The following MYO5A variants were observed in gnomAD, a reference collection of about 807,000 sequenced individuals.
MYO5A encodes the protein myosin VA.
In MYO5A, 98 loss-of-function variants were observed where a neutral mutation model predicts 249.7. The observed-to-expected ratio is 0.39, with a 90% confidence interval of 0.33 to 0.46. The LOEUF (loss-of-function observed/expected upper bound fraction) is 0.46. MYO5A is among the 20% of genes least tolerant of loss of function. The pLI is 0.98. For synonymous variants in MYO5A, 778 were observed against 810.6 expected (o/e 0.96, Z 0.68); for missense variants, 1,696 against 2,308.8 (o/e 0.73, Z 5.44).
chr15:52,444,538 AGAAGCAGAATTCAAACC>A (rs2075849536), intron 1 of MYO5A, among the ~76,000 whole-genome samples: 1 of 152,236 alleles, frequency 6.6e-6, no homozygotes, highest in Non-Finnish European at 1.5e-5. Context: ...AATAAATGGC[AGAAGCAGAATTCAAACC>A]GAGAAAGATC....
chr15:52,428,541 G>A lies in MYO5A; in HGVS notation c.167C>T (p.Thr56Ile). The A allele has an allele frequency of 1.9e-6, 3 of 1,614,182 alleles. No individual in the cohort carries two copies. The highest frequency in any genetic ancestry group is 2.5e-6 in the Non-Finnish European group (3 of 1,180,020). The change falls in exon 3 of 42, where the codon ACC (threonine) becomes ATC (isoleucine). Residue 56 changes from threonine to isoleucine, a missense_variant. Thr to Ile is a moderately conservative substitution (Grantham distance 89, BLOSUM62 -1). Around this residue, in one of 5 missense-constraint regions of MYO5A, gnomAD observed 197 missense variants for 320.3 expected, o/e 0.62. Coordinates refer to ENST00000399233, the MANE Select transcript of MYO5A (RefSeq NM_001382347.1). ...KDLEYHLDPKTKELPHLRNPD... is the reference protein window; with the variant it reads ...KDLEYHLDPKIKELPHLRNPD... ...ATTTCGTAAGTGAGGCAGCTCCTTG[G>A]TCTTTGGATCTAGATGGTATTCCAA...
At chr15:52,512,509 T>A (rs1566871432) in intron 1 of MYO5A, among the ~76,000 whole-genome samples, 1 of 149,260 alleles carries the variant, frequency 6.7e-6, no homozygotes, top group Non-Finnish European at 1.5e-5. Flanking sequence ...AGTAAATCAT[T>A]TCGCTAAAAA....
At chr15:52,507,348 G>A (rs1261564261) in intron 1 of MYO5A, among the ~76,000 whole-genome samples, 1 of 152,162 alleles carries the variant, frequency 6.6e-6, no homozygotes, top group Non-Finnish European at 1.5e-5. Context: ...GTTGATGATG[G>A]AAACATTAAA....
At chr15:52,491,649 A>T (rs1453818773) in intron 1 of MYO5A, among the ~76,000 whole-genome samples, 6 of 152,234 alleles carry the variant, frequency 3.9e-5, no homozygotes, top group Non-Finnish European at 8.8e-5. Flanking sequence ...AAAAACAAAG[A>T]TATTTACTGT....
At chr15:52,426,671 C>A (rs949380797) in intron 3 of MYO5A, among the ~76,000 whole-genome samples, 1 of 152,088 alleles carries the variant, frequency 6.6e-6, no homozygotes, top group African/African-American at 2.4e-5. Context: ...TGCCATGTTG[C>A]CCAGGCTTGA....
rs892248809 is a variant in MYO5A at position 52,311,785 on chromosome 15, A to C, written c.*1911T>G. On this transcript the variant is annotated 3_prime_UTR_variant, in exon 42 of 42. Transcript: ENST00000399233. Reference sequence around the variant, plus strand: ...GAAGAGAGAATTTTAAATGTGGAGGAGATGTTAAGAATCAGTGTCCAACTC... The same window carrying C: ...GAAGAGAGAATTTTAAATGTGGAGGCGATGTTAAGAATCAGTGTCCAACTC... The C allele has an allele frequency of 6.6e-6, 1 of 152,634 alleles. No individual in the cohort carries two copies. The highest frequency in any genetic ancestry group is 2.4e-5 in the African/African-American group (1 of 41,450). The allele number at this position is 152,634 out of a possible 1,614,324, so 9.5% of individuals were successfully genotyped here.
At position 52,428,584 on chromosome 15, in the gene MYO5A, G is replaced by C. The variant is rs1357257349; in HGVS notation, c.139-15C>G. 1 of 1,613,742 alleles carries C rather than the reference G, an allele frequency of 6.2e-7. No homozygotes were observed. Among genetic ancestry groups the C allele is most frequent in the Non-Finnish European group, 8.5e-7 (1 of 1,179,798 alleles). Reference sequence around the variant, plus strand: ...TATTCCAAATCCTGAAAATGCACAAGGCACAGCATCTGGATGAATTATGGC... The same window carrying C: ...TATTCCAAATCCTGAAAATGCACAACGCACAGCATCTGGATGAATTATGGC... On this transcript the variant is annotated splice_polypyrimidine_tract_variant and intron_variant, in intron 2 of 41. Transcript: ENST00000399233.
At chr15:52,519,588 G>A (rs1327137791) in intron 1 of MYO5A, among the ~76,000 whole-genome samples, 1 of 150,650 alleles carries the variant, frequency 6.6e-6, no homozygotes, top group Non-Finnish European at 1.5e-5. Context: ...CTCTAGTGTG[G>A]GCAACAGAAC....
chr15:52,487,731 A>C lies in MYO5A; in HGVS notation c.27+41049T>G, dbSNP rs551687806. 5.9e-5 allele frequency among the ~76,000 whole-genome samples: 9 copies of C among 152,132 alleles called. No homozygotes were observed. The East Asian group carries it at 1.7e-3, about 29-fold the overall frequency. ...AGAACGAGACTCTGTCTCAAAAAAAAAAAAAAAAAAGTTTTACACTATGAC... is the reference window on the plus strand; with the variant it reads ...AGAACGAGACTCTGTCTCAAAAAAACAAAAAAAAAAGTTTTACACTATGAC... On this transcript the variant is annotated intron_variant, in intron 1 of 41. Transcript: ENST00000399233.
intron 39 of MYO5A, among the ~76,000 whole-genome samples, chr15:52,318,447 A>G (rs1297028060): frequency 9.6e-6 from 1 of 103,726 alleles, no homozygotes; most frequent in Non-Finnish European, 1.9e-5. Flanking sequence ...CAAGAGCAAA[A>G]CTCCATCTCA....
intron 20 of MYO5A, among the ~76,000 whole-genome samples, chr15:52,373,871 T>C (rs538854056): frequency 1.3e-5 from 2 of 152,294 alleles, no homozygotes; most frequent in East Asian, 3.9e-4. Flanking sequence ...CTGGAGTAGC[T>C]ATCTTCAAAA....
rs2039376669 is a variant in MYO5A, at chr15:52,341,374, A to G, written c.4041-980T>C. ...TAACAAGATGTGGTTTTAGAACACA[A>G]ATATTAATAGGACCAAAAAAGTGGT... On this transcript the variant is annotated intron_variant, in intron 31 of 41. Coordinates refer to ENST00000399233, the MANE Select transcript of MYO5A (RefSeq NM_001382347.1). Among the ~76,000 whole-genome samples the G allele has an allele frequency of 2.0e-5, 3 of 152,230 alleles. No individual in the cohort carries two copies. The South Asian group carries it at 6.2e-4, about 32-fold the overall frequency.
chr15:52,321,061 T>C (rs1341680676), intron 38 of MYO5A, among the ~76,000 whole-genome samples: 2 of 151,196 alleles, frequency 1.3e-5, no homozygotes, highest in Admixed American at 6.6e-5. Context: ...AAGATAACAA[T>C]GTTTGGTAAC....
chr15:52,418,627 T>G (rs1466252093), intron 4 of MYO5A, among the ~76,000 whole-genome samples: 1 of 151,956 alleles, frequency 6.6e-6, no homozygotes, highest in African/African-American at 2.4e-5. Context: ...ATATGATCAT[T>G]AGGAGAAAAC....
chr15:52,391,450 G>A (rs2042233401), intron 12 of MYO5A, among the ~76,000 whole-genome samples: 2 of 152,110 alleles, frequency 1.3e-5, no homozygotes, highest in Admixed American at 1.3e-4. Flanking sequence ...ATCACTCAGT[G>A]GTAAAGCTGG....
At chr15:52,514,693 G>C (rs1215576688) in intron 1 of MYO5A, among the ~76,000 whole-genome samples, 1 of 152,172 alleles carries the variant, frequency 6.6e-6, no homozygotes, top group Non-Finnish European at 1.5e-5. Context: ...CATCACCTGG[G>C]AGTTGTTAGA....
intron 9 of MYO5A, 89 bp downstream of exon 9, chr15:52,405,198 G>T: frequency 1.1e-6 from 1 of 916,244 alleles, no homozygotes. Context: ...TATTGATAGA[G>T]AGACTTAAAC....
chr15:52,377,046 GA>G (rs1395191576), intron 18 of MYO5A, among the ~76,000 whole-genome samples: 2 of 136,760 alleles, frequency 1.5e-5, no homozygotes, highest in African/African-American at 5.1e-5. Context: ...TATTCATATT[GA>G]GTTATGTTTC....
At chr15:52,378,414 G>A (rs770413074) in intron 18 of MYO5A, among the ~76,000 whole-genome samples, 1 of 150,320 alleles carries the variant, frequency 6.7e-6, no homozygotes, top group Non-Finnish European at 1.5e-5. Context: ...CCAGCTACTG[G>A]GGGGGCTGAG....
Sources: allele counts gnomAD v4.1 joint callset (sites outside exome capture counted in the v4.1 genomes callset), GRCh38; gene constraint gnomAD v4.1.1; regional missense constraint gnomAD v4.1.1; transcripts MANE v1.5; gene names NCBI Gene and HGNC (gene_info 2026-07-23, HGNC 2026-07-21).